Variants in ANO4 observed in about 807,000 individuals in gnomAD.
ANO4 encodes anoctamin 4, also known as anoctamin-4.
In ANO4, 69 loss-of-function variants were observed where a neutral mutation model predicts 141.9. That is an observed-to-expected ratio of 0.49 (90% confidence interval 0.40 to 0.59). The LOEUF is 0.59. Among genes scored for constraint, ANO4 ranks in the 20% least tolerant of loss-of-function variants. ANO4 has a pLI of 0.00. For missense variants in ANO4, 894 were observed against 1,162.2 expected, an observed-to-expected ratio of 0.77 and a Z score of 3.36; for synonymous variants, 350 against 394.3, an observed-to-expected ratio of 0.89 and a Z score of 1.33.
chr12:101,010,323 A>T (rs1053789358), intron 8 of ANO4, among the ~76,000 whole-genome samples: 1 of 152,184 alleles, frequency 6.6e-6, no homozygotes, highest in African/African-American at 2.4e-5. Context: ...TAACACTTAG[A>T]TAACGAAGAT....
At chr12:100,858,941 A>G (rs1054399281) in intron 1 of ANO4, 24 of 152,194 alleles carry the variant, frequency 1.6e-4, no homozygotes, top group African/African-American at 5.5e-4. Flanking sequence ...GGTTTTCACA[A>G]AAGAAGTCAT....
At chr12:100,942,228 C>T in intron 4 of ANO4, 149 bp from the exon 5 acceptor site, 1 of 760,666 alleles carries the variant, frequency 1.3e-6, no homozygotes, top group South Asian at 2.0e-5. Flanking sequence ...ATCCACCCGC[C>T]TCGGCCTCCC....
At position 100,959,231 on chromosome 12, in the gene ANO4, C is replaced by G. The variant is rs557784150; in HGVS notation, c.457-12075C>G. On this transcript the variant is annotated intron_variant, in intron 5 of 27. Coordinates refer to ENST00000392977, the MANE Select transcript of ANO4 (RefSeq NM_001286615.2). ...CTCAACCTTCCCTCCCACCACCACT[C>G]TGTGTGTGCTGTCGCGGGAGCTCTC... Among the ~76,000 whole-genome samples, 8 of 152,326 alleles carry G rather than the reference C, an allele frequency of 5.3e-5. No homozygotes were observed. The East Asian group carries it at 1.4e-3, about 26-fold the overall frequency.
chr12:100,866,267 A>G (rs1307921349), intron 1 of ANO4, among the ~76,000 whole-genome samples: 1 of 152,132 alleles, frequency 6.6e-6, no homozygotes, highest in Admixed American at 6.6e-5. Flanking sequence ...CTTTAATCAT[A>G]CTGCCTCTTC....
chr12:100,907,617 A>G (rs2040905322), intron 2 of ANO4, among the ~76,000 whole-genome samples: 1 of 152,126 alleles, frequency 6.6e-6, no homozygotes, highest in Non-Finnish European at 1.5e-5. Flanking sequence ...TGTTTGTCAA[A>G]ATCTGTTCTA....
chr12:101,081,601 C>T (rs768434222), intron 15 of ANO4, among the ~76,000 whole-genome samples: 4 of 152,178 alleles, frequency 2.6e-5, no homozygotes, highest in Admixed American at 6.5e-5. Context: ...AACCCAGACT[C>T]GCTGCAGACC....
intron 5 of ANO4, among the ~76,000 whole-genome samples, chr12:100,970,346 C>T (rs2043860629): frequency 6.6e-6 from 1 of 152,192 alleles, no homozygotes; most frequent in African/African-American, 2.4e-5. Context: ...CTTTCTCAGC[C>T]TCTTCTGATG....
chr12:101,104,694 T>G (rs2050373022), intron 22 of ANO4, among the ~76,000 whole-genome samples: 1 of 143,182 alleles, frequency 7.0e-6, no homozygotes, highest in African/African-American at 2.5e-5. Context: ...TACCTTATGC[T>G]CCTTTATACC....
At chr12:100,976,927 A>G (rs571176666) in intron 7 of ANO4, among the ~76,000 whole-genome samples, 2 of 152,310 alleles carry the variant, frequency 1.3e-5, no homozygotes, top group African/African-American at 4.8e-5. Context: ...CTTGTTTGGA[A>G]TTGCCAAGTC....
intron 14 of ANO4, among the ~76,000 whole-genome samples, chr12:101,055,430 G>A (rs1216134792): frequency 2.3e-4 from 35 of 152,116 alleles, no homozygotes; most frequent in Non-Finnish European, 2.9e-5. Flanking sequence ...AATGAGTAGC[G>A]ATGTTGAACA....
chr12:101,066,960 A>G (rs1018262045), intron 14 of ANO4: 19 of 725,734 alleles, frequency 2.6e-5, no homozygotes, highest in Non-Finnish European at 3.9e-5. Flanking sequence ...GTGTGACTAC[A>G]TGACACTCTT....
At chr12:101,033,866 C>T (rs1460728071) in intron 9 of ANO4, among the ~76,000 whole-genome samples, 3 of 152,186 alleles carry the variant, frequency 2.0e-5, no homozygotes, top group African/African-American at 7.2e-5. Context: ...GACATACATG[C>T]AGCCAACAAA....
chr12:101,071,338 TAA>T (rs541823846), intron 14 of ANO4, among the ~76,000 whole-genome samples: 65 of 137,628 alleles, frequency 4.7e-4, no homozygotes, highest in Non-Finnish European at 4.9e-4. Flanking sequence ...AGTCAGCCAT[TAA>T]AAAAAAAAAA....
intron 8 of ANO4, among the ~76,000 whole-genome samples, chr12:101,019,765 C>G (rs962418826): frequency 3.3e-5 from 5 of 152,164 alleles, no homozygotes; most frequent in Non-Finnish European, 7.4e-5. Context: ...AAGACCTAGA[C>G]TTGCTATTAG....
intron 8 of ANO4, among the ~76,000 whole-genome samples, chr12:101,010,815 C>T (rs966699226): frequency 6.6e-6 from 1 of 152,162 alleles, no homozygotes; most frequent in African/African-American, 2.4e-5. Context: ...TCAGAAAAGA[C>T]TGGTATGTTG....
intron 18 of ANO4, 123 bp downstream of exon 18, chr12:101,094,415 G>A: frequency 1.4e-6 from 1 of 716,460 alleles, no homozygotes; most frequent in Non-Finnish European, 2.1e-6. Context: ...CATACAACAA[G>A]TTTTTTCTTT....
chr12:100,867,327 A>G (rs2038799505), intron 1 of ANO4, among the ~76,000 whole-genome samples: 1 of 152,100 alleles, frequency 6.6e-6, no homozygotes, highest in Non-Finnish European at 1.5e-5. Flanking sequence ...GACCCAGGAG[A>G]GCCACCAGTG....
chr12:101,036,830 T>C (rs2047215851), intron 9 of ANO4, among the ~76,000 whole-genome samples: 1 of 152,226 alleles, frequency 6.6e-6, no homozygotes, highest in Admixed American at 6.5e-5. Context: ...TTACATAATG[T>C]ATATGCATAT....
intron 9 of ANO4, among the ~76,000 whole-genome samples, chr12:101,032,310 T>C (rs1351200687): frequency 6.6e-6 from 1 of 152,164 alleles, no homozygotes; most frequent in Admixed American, 6.5e-5. Context: ...TCAGCAAACC[T>C]GACAGAAACA....
Sources: allele counts gnomAD v4.1 joint callset (sites outside exome capture counted in the v4.1 genomes callset), GRCh38; gene constraint gnomAD v4.1.1; transcripts MANE v1.5; gene names NCBI Gene and HGNC (gene_info 2026-07-23, HGNC 2026-07-21).